Variants in GALNT17 observed in about 807,000 individuals in gnomAD.
GALNT17 encodes the protein polypeptide N-acetylgalactosaminyltransferase 17.
A neutral mutation model predicts 63.7 loss-of-function variants in GALNT17; 29 were observed. That is an observed-to-expected ratio of 0.46 (90% CI 0.34 to 0.62). The LOEUF is 0.62. Ranked by LOEUF, GALNT17 falls within the 20% of genes least tolerant of loss-of-function variation. The pLI is 0.01. For synonymous variants in GALNT17, 305 were observed against 318.3 expected, an observed-to-expected ratio of 0.96 and a Z score of 0.45; for missense variants, 603 against 799.6, an observed-to-expected ratio of 0.75 and a Z score of 2.97.
At chr7:71,430,610 A>G (rs1786844474) in intron 5 of GALNT17, among the ~76,000 whole-genome samples, 1 of 152,230 alleles carries the variant, frequency 6.6e-6, no homozygotes, top group Non-Finnish European at 1.5e-5. Context: ...ATTAAAGGCA[A>G]TGATTAACAA....
At chr7:71,413,401 T>C (rs1031380963) in intron 3 of GALNT17, among the ~76,000 whole-genome samples, 2 of 152,050 alleles carry the variant, frequency 1.3e-5, no homozygotes, top group Non-Finnish European at 2.9e-5. Flanking sequence ...GTTTCGCCCT[T>C]GTTTCCCAGG....
chr7:71,663,355 T>C lies in GALNT17; in HGVS notation c.1081-2056T>C, dbSNP rs56931698. On this transcript the variant is annotated intron_variant, in intron 6 of 10. Transcript: ENST00000333538. The stretch of plus-strand genomic sequence containing the variant: ...TATATCTTTTCATTCATTCACTGAG[T>C]CTTGCAACATCATTGTGAGACCCTG... 2.7e-3 allele frequency among the ~76,000 whole-genome samples: 405 copies of C among 152,296 alleles called. 4 individuals are homozygous for C. The highest frequency in any genetic ancestry group is 9.5e-3 in the African/African-American group (396 of 41,548).
intron 6 of GALNT17, among the ~76,000 whole-genome samples, chr7:71,573,975 A>G (rs1429504814): frequency 6.6e-6 from 1 of 152,148 alleles, no homozygotes; most frequent in African/African-American, 2.4e-5. Flanking sequence ...AATGGCCTCC[A>G]GCTCCATCCG....
intron 4 of GALNT17, among the ~76,000 whole-genome samples, chr7:71,418,574 A>G (rs1168158763): frequency 6.6e-6 from 1 of 152,132 alleles, no homozygotes; most frequent in African/African-American, 2.4e-5. Context: ...GAACTTCGAA[A>G]TGGCTGTTTC....
intron 5 of GALNT17, among the ~76,000 whole-genome samples, chr7:71,532,960 C>A (rs2116784982): frequency 6.6e-6 from 1 of 152,158 alleles, no homozygotes; most frequent in South Asian, 2.1e-4. Context: ...AGTGTGTGCC[C>A]CACCTCCACC....
chr7:71,222,167 A>G (rs913365555), intron 1 of GALNT17, among the ~76,000 whole-genome samples: 1 of 151,988 alleles, frequency 6.6e-6, no homozygotes, highest in Non-Finnish European at 1.5e-5. Flanking sequence ...TCAGCCTTCC[A>G]AGGTGCTGGG....
At chr7:71,219,136 T>C (rs1028085697) in intron 1 of GALNT17, among the ~76,000 whole-genome samples, 2 of 152,178 alleles carry the variant, frequency 1.3e-5, no homozygotes, top group African/African-American at 2.4e-5. Flanking sequence ...AGCAACTCTA[T>C]TAGGTAAACA....
intron 3 of GALNT17, among the ~76,000 whole-genome samples, chr7:71,412,375 C>CTTTT (rs529402267): frequency 6.9e-6 from 1 of 145,786 alleles, no homozygotes; most frequent in Admixed American, 6.9e-5. Flanking sequence ...CATCATCTCC[C>CTTTT]TTTTTTTTTT....
chr7:71,213,205 C>T (rs1474983699), intron 1 of GALNT17, among the ~76,000 whole-genome samples: 1 of 152,178 alleles, frequency 6.6e-6, no homozygotes, highest in Admixed American at 6.5e-5. Flanking sequence ...GTGAATATCT[C>T]ACGAGATCTT....
At chr7:71,683,049 C>T (rs564421270) in intron 9 of GALNT17, among the ~76,000 whole-genome samples, 4 of 152,138 alleles carry the variant, frequency 2.6e-5, no homozygotes, top group Non-Finnish European at 4.4e-5. Context: ...CACCTGCGTG[C>T]GGAACTTTTC....
rs112842675 is a variant in GALNT17, at chr7:71,262,828, G to A, written c.239-72722G>A. 4.3e-3 allele frequency among the ~76,000 whole-genome samples: 653 copies of A among 151,492 alleles called. 5 individuals carry two copies. Among genetic ancestry groups the A allele is most frequent in the African/African-American group, 0.015 (613 of 41,336 alleles). ...CCCAAGTAGCTGGGACCACAGGCAC[G>A]AGCCACCAAGCCCAGCTAATTTTTG... On this transcript the variant is annotated intron_variant, in intron 1 of 10. Transcript: ENST00000333538.
chr7:71,184,529 A>G (rs1010188467), intron 1 of GALNT17, among the ~76,000 whole-genome samples: 2 of 152,090 alleles, frequency 1.3e-5, no homozygotes, highest in Admixed American at 1.3e-4. Flanking sequence ...CAGGCATCTA[A>G]GAGCCTTATC....
At chr7:71,479,568 A>C (rs555282009) in intron 5 of GALNT17, among the ~76,000 whole-genome samples, 30 of 152,152 alleles carry the variant, frequency 2.0e-4, no homozygotes, top group Non-Finnish European at 2.8e-4. Context: ...TCTCTAATTC[A>C]GTCTTAGAGA....
Position 71,677,289 on chromosome 7 carries a change from C to T in GALNT17, c.1483C>T (p.His495Tyr). Reference sequence around the variant, plus strand: ...CCACACAGCAATATTGTATCCGTGCCATGGCTGGGGACCACAGGTAGGAGC... The same window carrying T: ...CCACACAGCAATATTGTATCCGTGCTATGGCTGGGGACCACAGGTAGGAGC... ...ENHTAILYPC[H>Y]GWGPQLARYT... The change falls in exon 9 of 11, where the codon CAT becomes TAT. Residue 495 changes from histidine to tyrosine, a missense_variant. This residue lies in a region of GALNT17 where 336 missense variants were observed against 507.8 expected (regional missense o/e 0.66). Transcript: ENST00000333538. The T allele has an allele frequency of 6.2e-7, 1 of 1,613,896 alleles. No homozygotes were observed. Among genetic ancestry groups the T allele is most frequent in the Non-Finnish European group, 8.5e-7 (1 of 1,179,900 alleles).
chr7:71,309,907 C>A (rs1185136205), intron 1 of GALNT17, among the ~76,000 whole-genome samples: 3 of 152,134 alleles, frequency 2.0e-5, no homozygotes, highest in Non-Finnish European at 4.4e-5. Flanking sequence ...ATCTTGAATT[C>A]CCACGTGTTG....
chr7:71,377,830 T>C (rs1019717708), intron 2 of GALNT17, among the ~76,000 whole-genome samples: 5 of 152,166 alleles, frequency 3.3e-5, no homozygotes, highest in Non-Finnish European at 5.9e-5. Context: ...AGTCCCTCCT[T>C]CCTTCTCTCT....
chr7:71,314,092 A>G (rs1791458962), intron 1 of GALNT17, among the ~76,000 whole-genome samples: 1 of 152,206 alleles, frequency 6.6e-6, no homozygotes, highest in South Asian at 2.1e-4. Context: ...GTTACCCTTC[A>G]TTCTTGTAGA....
At position 71,673,820 on chromosome 7, in the gene GALNT17, G is replaced by A. The variant is rs6957137; in HGVS notation, c.1405-3391G>A. 5.2e-3 allele frequency among the ~76,000 whole-genome samples: 790 copies of A among 152,260 alleles called. 9 individuals are homozygous for A. Among genetic ancestry groups the A allele is most frequent in the African/African-American group, 0.018 (748 of 41,552 alleles). Reference sequence around the variant, plus strand: ...TTTTTGTTTTTATAGAGGTCTCACTGTTTTGCCAGGCTGGCCTTGAAGTCC... The same window carrying A: ...TTTTTGTTTTTATAGAGGTCTCACTATTTTGCCAGGCTGGCCTTGAAGTCC... On this transcript the variant is annotated intron_variant, in intron 8 of 10. Transcript: ENST00000333538.
At chr7:71,602,274 T>G (rs956564512) in intron 6 of GALNT17, among the ~76,000 whole-genome samples, 4 of 152,210 alleles carry the variant, frequency 2.6e-5, no homozygotes, top group Admixed American at 6.5e-5. Context: ...ATTGCTCTCT[T>G]CTCAGACCCC....
Sources: gnomAD v4.1 joint callset for allele counts (sites outside exome capture counted in the v4.1 genomes callset) on GRCh38, gnomAD v4.1.1 for gene constraint, gnomAD v4.1.1 regional missense constraint, MANE v1.5 for transcripts, NCBI Gene and HGNC (gene_info 2026-07-23, HGNC 2026-07-21) for gene names.